The following RPH3A variants were observed in gnomAD, a reference collection of about 807,000 sequenced individuals.
RPH3A encodes the protein rabphilin-3A.
A neutral mutation model predicts 102.2 loss-of-function variants in RPH3A; 48 were observed. The ratio of observed to expected loss-of-function variants is 0.47; its 90% CI spans 0.37 to 0.60. The LOEUF is 0.60. RPH3A is among the 20% of genes least tolerant of loss of function. The pLI is 0.00. For missense variants in RPH3A, 781 were observed against 910.1 expected, an observed-to-expected ratio of 0.86 and a Z score of 1.83; for synonymous variants, 310 against 324.3, an observed-to-expected ratio of 0.96 and a Z score of 0.47.
At chr12:112,684,620 T>G (rs2040250529) in intron 1 of RPH3A, among the ~76,000 whole-genome samples, 1 of 152,194 alleles carries the variant, frequency 6.6e-6, no homozygotes, top group Admixed American at 6.5e-5. Flanking sequence ...ATCAATCTCC[T>G]GTTAATCTGA....
chr12:112,672,375 G>A lies in RPH3A; in HGVS notation c.-140+97056G>A, dbSNP rs2136010257. Among the ~76,000 whole-genome samples, 2 of 152,306 alleles carry A rather than the reference G, an allele frequency of 1.3e-5. 1 individual carries two copies. The highest frequency in any genetic ancestry group is 4.1e-4 in the South Asian group (2 of 4,822). On this transcript the variant is annotated intron_variant, in intron 1 of 21. Transcript: ENST00000543106. The stretch of plus-strand genomic sequence containing the variant: ...TTGTTGATCACATCTAAAACAAATG[G>A]TTCCACAGCAACATCTAGACTGGTA...
At chr12:112,616,905 G>A (rs753396449) in intron 1 of RPH3A, among the ~76,000 whole-genome samples, 7 of 152,242 alleles carry the variant, frequency 4.6e-5, no homozygotes, top group Non-Finnish European at 8.8e-5. Context: ...TCAGCTGGGA[G>A]AACAGACTTT....
intron 4 of RPH3A, among the ~76,000 whole-genome samples, chr12:112,839,594 G>T (rs530440287): frequency 6.6e-6 from 1 of 152,272 alleles, no homozygotes; most frequent in South Asian, 2.1e-4. Context: ...AACACACAAG[G>T]CCTTTGGAGG....
intron 1 of RPH3A, among the ~76,000 whole-genome samples, chr12:112,747,729 G>T (rs2040758809): frequency 6.6e-6 from 1 of 152,176 alleles, no homozygotes; most frequent in African/African-American, 2.4e-5. Context: ...TCTCTTAGTT[G>T]TGGCTTAGGC....
chr12:112,808,162 AAG>A (rs2041504557), intron 2 of RPH3A, among the ~76,000 whole-genome samples: 1 of 152,322 alleles, frequency 6.6e-6, no homozygotes. Flanking sequence ...AACACCAGCA[AAG>A]AGGGGAAAAA....
At chr12:112,855,405 G>A (rs1233852528) in intron 5 of RPH3A, among the ~76,000 whole-genome samples, 1 of 152,198 alleles carries the variant, frequency 6.6e-6, no homozygotes, top group Non-Finnish European at 1.5e-5. Context: ...ACCTTGCCCA[G>A]CATGGACTGC....
At chr12:112,843,538 G>A (rs781550521) in intron 4 of RPH3A, among the ~76,000 whole-genome samples, 11 of 152,178 alleles carry the variant, frequency 7.2e-5, no homozygotes, top group Non-Finnish European at 1.5e-4. Context: ...AGCCATGTGC[G>A]TTCAGATGCT....
At chr12:112,888,156 A>G (rs747466972) in intron 17 of RPH3A, among the ~76,000 whole-genome samples, 2 of 152,338 alleles carry the variant, frequency 1.3e-5, no homozygotes, top group African/African-American at 4.8e-5. Flanking sequence ...TTCTTGGCCA[A>G]ACTGGATGGA....
chr12:112,746,285 A>G (rs1198735858), intron 1 of RPH3A, among the ~76,000 whole-genome samples: 1 of 152,188 alleles, frequency 6.6e-6, no homozygotes, highest in Non-Finnish European at 1.5e-5. Flanking sequence ...AATTAAATGC[A>G]TGATCACACA....
intron 14 of RPH3A, among the ~76,000 whole-genome samples, chr12:112,880,964 G>T (rs771700595): frequency 2.0e-5 from 3 of 152,154 alleles, no homozygotes; most frequent in Non-Finnish European, 1.5e-5. Context: ...AGGCTGAGGA[G>T]GATGAGGAAG....
intron 13 of RPH3A, among the ~76,000 whole-genome samples, chr12:112,877,568 A>G (rs2136239548): frequency 6.6e-6 from 1 of 152,276 alleles, no homozygotes; most frequent in East Asian, 1.9e-4. Flanking sequence ...GTGGGTGGGG[A>G]CATTACCAGT....
rs369079632 is a variant in RPH3A at position 112,718,627 on chromosome 12, G to T, written c.-139-73516G>T. Among the ~76,000 whole-genome samples, 19 of 152,310 alleles carry T rather than the reference G, an allele frequency of 1.2e-4. No individual in the cohort carries two copies. The South Asian group carries it at 3.1e-3, about 25-fold the overall frequency. ...ACTATTGCCACTGCGCGTTGCTGAG[G>T]GGAGTAGATCGTCTACTGGCCATGT... On this transcript the variant is annotated intron_variant, in intron 1 of 21. Transcript: ENST00000543106.
chr12:112,679,741 T>C (rs1161642580), intron 1 of RPH3A, among the ~76,000 whole-genome samples: 1 of 152,202 alleles, frequency 6.6e-6, no homozygotes, highest in Non-Finnish European at 1.5e-5. Flanking sequence ...ACCAGACTTT[T>C]AATGAGGCTG....
In RPH3A at chr12:112,603,585, TTTTC is replaced by T. The variant is rs146259105; in HGVS notation, c.-140+28269_-140+28272del. ...ACAAGGGTTTGTGATAAAGATTCAA[TTTTC>T]TTAATTACTATATTTTGTAAGAATC... is the stretch of plus-strand genomic sequence containing the variant. On this transcript the variant is annotated intron_variant, in intron 1 of 21. Coordinates refer to the RPH3A transcript ENST00000543106. Among the ~76,000 whole-genome samples the T allele has an allele frequency of 8.0e-3, 1,225 of 152,318 alleles. 20 individuals carry two copies. The highest frequency in any genetic ancestry group is 0.028 in the African/African-American group (1,146 of 41,566).
intron 4 of RPH3A, among the ~76,000 whole-genome samples, chr12:112,838,336 C>G (rs1354293233): frequency 1.3e-5 from 2 of 152,260 alleles, no homozygotes; most frequent in Non-Finnish European, 2.9e-5. Context: ...ACAGGACCCC[C>G]AGGTCCCGTT....
intron 1 of RPH3A, among the ~76,000 whole-genome samples, chr12:112,607,416 T>G (rs888516807): frequency 3.3e-5 from 5 of 152,216 alleles, no homozygotes; most frequent in African/African-American, 9.7e-5. Context: ...GAACAATATA[T>G]TTATGTACAT....
intron 1 of RPH3A, among the ~76,000 whole-genome samples, chr12:112,703,537 C>T (rs192427845): frequency 6.8e-4 from 103 of 152,320 alleles, no homozygotes; most frequent in Non-Finnish European, 7.9e-4. Context: ...TCAGGCTGCA[C>T]TTTGACCCAC....
intron 1 of RPH3A, among the ~76,000 whole-genome samples, chr12:112,706,658 G>A (rs561940296): frequency 6.6e-6 from 1 of 152,280 alleles, no homozygotes; most frequent in African/African-American, 2.4e-5. Context: ...GGTCCTGACC[G>A]AGTGTCTCAC....
chr12:112,715,756 C>A lies in RPH3A; in HGVS notation c.-139-76387C>A, dbSNP rs572068911. Among the ~76,000 whole-genome samples, 3 of 152,230 alleles carry A rather than the reference C, an allele frequency of 2.0e-5. No homozygotes were observed. In the South Asian group the frequency reaches 6.2e-4, roughly 32 times the overall value. On this transcript the variant is annotated intron_variant, in intron 1 of 21. Transcript: ENST00000543106. Reference sequence around the variant, plus strand: ...CCAATCCGGACCCCAAGAGAGGGTTCTTGGATCTTTCCCAAGAAAGAATTC... The same window carrying A: ...CCAATCCGGACCCCAAGAGAGGGTTATTGGATCTTTCCCAAGAAAGAATTC...
Sources: allele counts gnomAD v4.1 joint callset (sites outside exome capture counted in the v4.1 genomes callset), GRCh38; gene constraint gnomAD v4.1.1; transcripts MANE v1.5; gene names NCBI Gene and HGNC (gene_info 2026-07-23, HGNC 2026-07-21).